The following RGS6 variants were observed in gnomAD, a reference collection of about 807,000 sequenced individuals.
RGS6 encodes the protein regulator of G-protein signaling 6.
In RGS6, 30 loss-of-function variants were observed where a neutral mutation model predicts 78.5. The ratio of observed to expected loss-of-function variants is 0.38; its 90% CI spans 0.29 to 0.52. The LOEUF is 0.52. Ranked by LOEUF, RGS6 falls within the 20% of genes least tolerant of loss-of-function variation. The pLI, the probability that RGS6 is intolerant of heterozygous loss-of-function variation, is 0.85. For missense variants in RGS6, 495 were observed against 609.7 expected (o/e 0.81, Z 1.98); for synonymous variants, 206 against 206.0 (o/e 1.00, Z 0.00).
chr14:71,995,526 C>T (rs188497625), intron 2 of RGS6, among the ~76,000 whole-genome samples: 1 of 152,272 alleles, frequency 6.6e-6, no homozygotes, highest in Admixed American at 6.5e-5. Flanking sequence ...TGGCTGGGGG[C>T]AGCCATGGGA....
At chr14:71,988,667 G>C (rs2094825717) in intron 2 of RGS6, among the ~76,000 whole-genome samples, 1 of 152,042 alleles carries the variant, frequency 6.6e-6, no homozygotes, top group South Asian at 2.1e-4. Context: ...AGAGAAGTTT[G>C]CAGCTTCTGT....
intron 2 of RGS6, among the ~76,000 whole-genome samples, chr14:72,008,131 T>G (rs140223950): frequency 2.5e-4 from 38 of 152,320 alleles, no homozygotes; most frequent in South Asian, 1.2e-3. Flanking sequence ...CTTGCCTGGA[T>G]TTCAGAACTA....
chr14:72,146,312 G>A (rs2153625912), intron 2 of RGS6, among the ~76,000 whole-genome samples: 1 of 152,262 alleles, frequency 6.6e-6, no homozygotes, highest in African/African-American at 2.4e-5. Flanking sequence ...GAACTTCAGA[G>A]GACACATTCA....
intron 2 of RGS6, among the ~76,000 whole-genome samples, chr14:71,993,849 G>C (rs146798534): frequency 6.6e-6 from 1 of 151,992 alleles, no homozygotes; most frequent in Non-Finnish European, 1.5e-5. Flanking sequence ...AGAAGAGCAC[G>C]AGGGGGTAGC....
At chr14:72,540,226 G>C in intron 17 of RGS6, 132 bp downstream of exon 17, 2 of 1,527,640 alleles carry the variant, frequency 1.3e-6, no homozygotes, top group Non-Finnish European at 1.7e-6. Flanking sequence ...TTTCTCCCTC[G>C]ACTCAGCCCT....
chr14:72,181,934 G>T (rs1329427726), intron 2 of RGS6, among the ~76,000 whole-genome samples: 1 of 152,186 alleles, frequency 6.6e-6, no homozygotes, highest in Non-Finnish European at 1.5e-5. Flanking sequence ...TGCACTTGCA[G>T]ATTACTAAGT....
intron 3 of RGS6, among the ~76,000 whole-genome samples, chr14:72,389,674 A>T (rs1355132212): frequency 6.6e-6 from 1 of 152,014 alleles, no homozygotes; most frequent in Non-Finnish European, 1.5e-5. Flanking sequence ...ACCATTGTTT[A>T]CCTCCTAAGA....
chr14:72,056,529 A>G (rs926817920), intron 2 of RGS6, among the ~76,000 whole-genome samples: 1 of 152,166 alleles, frequency 6.6e-6, no homozygotes, highest in Admixed American at 6.5e-5. Flanking sequence ...CAAATGTGTT[A>G]TATTTTTGTT....
chr14:72,537,770 T>C, intron 16 of RGS6: 1 of 569,422 alleles, frequency 1.8e-6, no homozygotes, highest in Non-Finnish European at 3.1e-6. Context: ...GATCACAGTT[T>C]GGTGACTTTC....
intron 2 of RGS6, among the ~76,000 whole-genome samples, chr14:72,220,896 G>A (rs1472850187): frequency 1.3e-5 from 2 of 152,108 alleles, no homozygotes; most frequent in Non-Finnish European, 2.9e-5. Flanking sequence ...GAAAAGAATG[G>A]GACCCTGAGA....
chr14:71,956,859 A>T (rs1021355766), intron 1 of RGS6, among the ~76,000 whole-genome samples: 3 of 152,198 alleles, frequency 2.0e-5, no homozygotes, highest in Non-Finnish European at 4.4e-5. Context: ...GAGTATAATG[A>T]TGGAGCCAGT....
chr14:71,930,992 A>G, upstream of RGS6, among the ~76,000 whole-genome samples: 1 of 131,844 alleles, frequency 7.6e-6, no homozygotes, highest in East Asian at 2.2e-4. Flanking sequence ...AAAAAAAAAA[A>G]AAAAAAAAAA....
At chr14:72,561,035 T>C (rs932354244) in intron 17 of RGS6, among the ~76,000 whole-genome samples, 2 of 152,254 alleles carry the variant, frequency 1.3e-5, no homozygotes, top group Non-Finnish European at 2.9e-5. Flanking sequence ...TGCCTCTCCA[T>C]GGAGATCTAA....
intron 17 of RGS6, among the ~76,000 whole-genome samples, chr14:72,545,434 TG>T (rs1197892265): frequency 2.6e-5 from 4 of 152,172 alleles, no homozygotes; most frequent in African/African-American, 7.2e-5. Flanking sequence ...GCTAGCTATG[TG>T]ACCTCAAGCA....
chr14:72,521,285 G>A (rs1264637378), intron 15 of RGS6, among the ~76,000 whole-genome samples: 1 of 152,152 alleles, frequency 6.6e-6, no homozygotes, highest in Non-Finnish European at 1.5e-5. Context: ...AAACCACAAT[G>A]CTAAAAATAC....
chr14:72,096,631 G>A (rs1028732229), intron 2 of RGS6, among the ~76,000 whole-genome samples: 1 of 152,118 alleles, frequency 6.6e-6, no homozygotes, highest in Admixed American at 6.5e-5. Flanking sequence ...TTATGCCCTG[G>A]CTCTTAAATG....
chr14:72,495,103 G>A, intron 12 of RGS6, 49 bp from the exon 13 acceptor site: 1 of 1,087,330 alleles, frequency 9.2e-7, no homozygotes, highest in Non-Finnish European at 1.4e-6. Context: ...GAATAAAGGG[G>A]TTTTCTAAGG....
chr14:71,979,697 T>G (rs1397524738), intron 2 of RGS6, among the ~76,000 whole-genome samples: 1 of 152,210 alleles, frequency 6.6e-6, no homozygotes, highest in East Asian at 1.9e-4. Flanking sequence ...TGTGGTCAAT[T>G]TTGGAATAGG....
At chr14:72,128,744 CAT>C (rs1373700886) in intron 2 of RGS6, among the ~76,000 whole-genome samples, 4 of 152,090 alleles carry the variant, frequency 2.6e-5, no homozygotes, top group East Asian at 3.9e-4. Context: ...TGCCCGGAAA[CAT>C]GTGGTTATGT....
Sources: gnomAD v4.1 joint callset for allele counts (sites outside exome capture counted in the v4.1 genomes callset) on GRCh38, gnomAD v4.1.1 for gene constraint, MANE v1.5 for transcripts, NCBI Gene and HGNC (gene_info 2026-07-23, HGNC 2026-07-21) for gene names.